The following CNBD2 variants were observed in gnomAD, a reference collection of about 807,000 sequenced individuals.
The protein encoded by CNBD2 is cyclic nucleotide binding domain containing 2.
A neutral mutation model predicts 63.7 loss-of-function variants in CNBD2; 64 were observed. The ratio of observed to expected loss-of-function variants is 1.00; its 90% CI spans 0.82 to 1.24. The LOEUF is 1.24. Among genes scored for constraint, CNBD2 ranks in the 50% most tolerant of loss-of-function variants. The pLI, the probability that CNBD2 is intolerant of heterozygous loss-of-function variation, is 0.00. For synonymous variants in CNBD2, 229 were observed against 255.4 expected (o/e 0.90, Z 0.99); for missense variants, 691 against 713.5 (o/e 0.97, Z 0.36).
At chr20:36,011,376 T>C (rs1235924793) in intron 10 of CNBD2, 119 bp downstream of exon 10, 1 of 1,259,976 alleles carries the variant, frequency 7.9e-7, no homozygotes, top group Non-Finnish European at 1.0e-6. Context: ...TAAGGAATTA[T>C]GTTGATTTGT....
chr20:35,991,877 CTTCTT>C (rs1239350802), intron 7 of CNBD2, among the ~76,000 whole-genome samples: 1 of 151,842 alleles, frequency 6.6e-6, no homozygotes, highest in African/African-American at 2.4e-5. Flanking sequence ...CTCATTTCTT[CTTCTT>C]TTATTTTTTT....
At chr20:36,023,564 C>G in intron 10 of CNBD2, 38 bp from the exon 11 acceptor site, 1 of 1,487,784 alleles carries the variant, frequency 6.7e-7, no homozygotes, top group East Asian at 2.4e-5. Context: ...CAGACCTGGC[C>G]AGTCTCTGAG....
At chr20:36,008,522 A>G in intron 9 of CNBD2, 48 bp downstream of exon 9, 1 of 1,548,142 alleles carries the variant, frequency 6.5e-7, no homozygotes. Flanking sequence ...GTGGTTGCAA[A>G]GGGAGATAAT....
At chr20:35,999,679 CTT>C (rs35106057) in intron 8 of CNBD2, among the ~76,000 whole-genome samples, 22 of 142,050 alleles carry the variant, frequency 1.5e-4, no homozygotes, top group African/African-American at 3.1e-4. Flanking sequence ...CAAGTATCTT[CTT>C]TTTTTTTTTT....
intron 8 of CNBD2, among the ~76,000 whole-genome samples, chr20:35,996,485 A>C (rs2056826169): frequency 6.6e-6 from 1 of 150,672 alleles, no homozygotes; most frequent in Non-Finnish European, 1.5e-5. Flanking sequence ...ATATTGCATA[A>C]TTCTCATAAT....
chr20:35,994,488 C>T (rs568252637), intron 7 of CNBD2, among the ~76,000 whole-genome samples: 4 of 151,298 alleles, frequency 2.6e-5, no homozygotes, highest in South Asian at 2.1e-4. Context: ...GATTACAGTC[C>T]GTGAGCCACC....
intron 10 of CNBD2, among the ~76,000 whole-genome samples, chr20:36,021,387 G>T (rs978357788): frequency 1.3e-5 from 2 of 152,204 alleles, no homozygotes; most frequent in Non-Finnish European, 2.9e-5. Context: ...TAGATTGGTG[G>T]TTACCAGAGG....
At chr20:36,027,854 T>G (rs2590959) in intron 11 of CNBD2, among the ~76,000 whole-genome samples, 1 of 151,786 alleles carries the variant, frequency 6.6e-6, no homozygotes, top group East Asian at 1.9e-4. Flanking sequence ...TTAGTAGAGA[T>G]GGGGTTTCAC....
chr20:36,017,992 G>A (rs1271066018), intron 10 of CNBD2, among the ~76,000 whole-genome samples: 3 of 152,202 alleles, frequency 2.0e-5, no homozygotes, highest in Non-Finnish European at 4.4e-5. Flanking sequence ...TTTTAGAACA[G>A]TTTTTAGATT....
chr20:36,001,418 TCCTCACTTCCCAGTAGGGGCGGCCG>T (rs2056900123), intron 8 of CNBD2, among the ~76,000 whole-genome samples: 1 of 149,602 alleles, frequency 6.7e-6, no homozygotes, highest in Non-Finnish European at 1.5e-5. Flanking sequence ...GCAGAGGGGC[TCCTCACTTCCCAGTAGGGGCGGCCG>T]GGCAGAGGCG....
chr20:36,017,888 T>C (rs2057156588), intron 10 of CNBD2, among the ~76,000 whole-genome samples: 1 of 152,170 alleles, frequency 6.6e-6, no homozygotes, highest in African/African-American at 2.4e-5. Flanking sequence ...GTCACCTGCC[T>C]CCCAGCCTCC....
intron 8 of CNBD2, among the ~76,000 whole-genome samples, chr20:35,998,576 A>G (rs1447534510): frequency 6.6e-6 from 1 of 151,918 alleles, no homozygotes; most frequent in Non-Finnish European, 1.5e-5. Flanking sequence ...TGCTCTATCA[A>G]TTGTTAATAG....
rs758632416 is a variant in CNBD2 at position 35,968,735 on chromosome 20, A to G, written c.-28A>G. ...CCTCCCCTTGAAAGGCAAAGGGGCTAGTTGTGCCATTTGCCTGCACAGGAA... is the reference window on the plus strand; with the variant it reads ...CCTCCCCTTGAAAGGCAAAGGGGCTGGTTGTGCCATTTGCCTGCACAGGAA... On this transcript the variant is annotated 5_prime_UTR_variant, in exon 1 of 12. It removes the in-frame stop codon of an upstream open reading frame in the 5' UTR. Transcript: ENST00000373973. 6.3e-7 allele frequency: 1 copy of G among 1,593,976 alleles called. No homozygotes were observed.
intron 2 of CNBD2, chr20:35,973,986 A>G (rs1050345644): frequency 6.6e-6 from 1 of 152,158 alleles, no homozygotes; most frequent in African/African-American, 2.4e-5. Flanking sequence ...ACTCCAAGAA[A>G]TTTCCCTAAA....
In CNBD2 at chr20:35,995,052, C is replaced by T; in HGVS notation, c.870C>T (p.Val290=). The T allele has an allele frequency of 1.2e-6, 2 of 1,613,994 alleles. No homozygotes were observed. Among genetic ancestry groups the T allele is most frequent in the South Asian group, 2.2e-5 (2 of 91,082 alleles). The part of the protein sequence containing the change: ...IMFISKGSCE[V]LRLLDLGASP... ...GCTGTGTTCAGGGCAGCTGTGAAGT[C>T]CTGCGGCTGTTGGACCTTGGGGCCT... Residue 290 remains valine, a synonymous_variant, in exon 8 of 12, where the codon GTC becomes GTT. Coordinates refer to ENST00000373973, the MANE Select transcript of CNBD2 (RefSeq NM_001365709.1).
chr20:36,029,819 C>A (rs2057323108), intron 11 of CNBD2, among the ~76,000 whole-genome samples: 1 of 152,138 alleles, frequency 6.6e-6, no homozygotes, highest in African/African-American at 2.4e-5. Flanking sequence ...CCTTGCCTTG[C>A]TGTGGTCTCA....
At chr20:35,985,543 T>C (rs2056656373) in intron 6 of CNBD2, among the ~76,000 whole-genome samples, 1 of 150,758 alleles carries the variant, frequency 6.6e-6, no homozygotes, top group Non-Finnish European at 1.5e-5. Context: ...TGGAGTGCAG[T>C]GGCATGATCT....
intron 10 of CNBD2, among the ~76,000 whole-genome samples, chr20:36,017,058 C>CAAAA (rs35383989): frequency 9.5e-6 from 1 of 105,442 alleles, no homozygotes; most frequent in Non-Finnish European, 2.1e-5. Context: ...GAGCCTGTCT[C>CAAAA]AAAAAAAAAA....
chr20:36,001,986 A>C (rs919517106), intron 8 of CNBD2, among the ~76,000 whole-genome samples: 11 of 152,072 alleles, frequency 7.2e-5, no homozygotes, highest in Non-Finnish European at 1.6e-4. Context: ...CTCACTTCCC[A>C]GACGGGGTGG....
Sources: gnomAD v4.1 joint callset for allele counts (sites outside exome capture counted in the v4.1 genomes callset) on GRCh38, gnomAD v4.1.1 for gene constraint, MANE v1.5 for transcripts, NCBI Gene and HGNC (gene_info 2026-07-23, HGNC 2026-07-21) for gene names.